The following SLC28A3 variants were observed in gnomAD, a reference collection of about 807,000 sequenced individuals.
SLC28A3 encodes solute carrier family 28 member 3, also known as concentrative Na(+)-nucleoside cotransporter 3.
A neutral mutation model predicts 84.2 loss-of-function variants in SLC28A3; 68 were observed. That is an observed-to-expected ratio of 0.81 (90% CI 0.66 to 0.99). SLC28A3 has a LOEUF of 0.99. Ranked by LOEUF, SLC28A3 falls within the 50% of genes least tolerant of loss-of-function variation. The probability of loss-of-function intolerance (pLI) is 0.00; values close to 1 mark genes in which losing one functional copy is unlikely to be tolerated. For missense variants in SLC28A3, 712 were observed against 841.5 expected (o/e 0.85, Z 1.90); for synonymous variants, 267 against 303.6 (o/e 0.88, Z 1.25).
At chr9:84,325,003 T>C (rs2118535038) in intron 1 of SLC28A3, among the ~76,000 whole-genome samples, 1 of 152,362 alleles carries the variant, frequency 6.6e-6, no homozygotes, top group African/African-American at 2.4e-5. Context: ...GGCTAGTTTA[T>C]TCTGGAATGT....
chr9:84,361,376 G>A, the SLC28A3 span, among the ~76,000 whole-genome samples: 1 of 152,188 alleles, frequency 6.6e-6, no homozygotes, highest in African/African-American at 2.4e-5. Context: ...TAGGGTTACA[G>A]GCTATTTCAG....
intron 1 of SLC28A3, among the ~76,000 whole-genome samples, chr9:84,329,342 T>C (rs1250382952): frequency 1.3e-5 from 2 of 152,130 alleles, no homozygotes; most frequent in Non-Finnish European, 2.9e-5. Flanking sequence ...AATACAAGAA[T>C]TGAACAGTGG....
chr9:84,280,748 C>T, intron 15 of SLC28A3, 53 bp downstream of exon 15: 2 of 1,577,736 alleles, frequency 1.3e-6, no homozygotes, highest in Non-Finnish European at 1.7e-6. Context: ...AAATGGGGAT[C>T]CAAGTATGTC....
intron 1 of SLC28A3, among the ~76,000 whole-genome samples, chr9:84,326,209 A>C (rs1826542641): frequency 6.6e-6 from 1 of 152,044 alleles, no homozygotes; most frequent in Non-Finnish European, 1.5e-5. Context: ...GACTAATAAG[A>C]GCTCAGGAAG....
chr9:84,305,677 A>T (rs974750168), intron 3 of SLC28A3, among the ~76,000 whole-genome samples: 1 of 152,202 alleles, frequency 6.6e-6, no homozygotes, highest in African/African-American at 2.4e-5. Context: ...TTTCTGGCAC[A>T]CTATGAGATC....
intron 3 of SLC28A3, among the ~76,000 whole-genome samples, chr9:84,308,635 A>G (rs1825882199): frequency 6.6e-6 from 1 of 152,212 alleles, no homozygotes; most frequent in Non-Finnish European, 1.5e-5. Context: ...GCCTCTAAAA[A>G]AGAAAAAAGA....
At chr9:84,299,280 A>C (rs1825533691) in intron 6 of SLC28A3, among the ~76,000 whole-genome samples, 1 of 152,206 alleles carries the variant, frequency 6.6e-6, no homozygotes, top group African/African-American at 2.4e-5. Context: ...AATCTGGATC[A>C]AAATGGATGA....
In SLC28A3 at chr9:84,315,177, G is replaced by A. The variant is rs538141470; in HGVS notation, c.61-1723C>T. Reference sequence around the variant, plus strand: ...TGCTGAAGTTGGCTGACAGGTACCCGGAGAATCATTTTATTATTCTCCTAC... The same window carrying A: ...TGCTGAAGTTGGCTGACAGGTACCCAGAGAATCATTTTATTATTCTCCTAC... On this transcript the variant is annotated intron_variant, in intron 1 of 17. Coordinates refer to ENST00000376238, the MANE Select transcript of SLC28A3 (RefSeq NM_001199633.2). 3.9e-5 allele frequency among the ~76,000 whole-genome samples: 6 copies of A among 152,272 alleles called. No homozygotes were observed. The East Asian group carries it at 9.7e-4, about 24-fold the overall frequency.
intron 1 of SLC28A3, among the ~76,000 whole-genome samples, chr9:84,333,826 C>T (rs1826873049): frequency 6.6e-6 from 1 of 152,196 alleles, no homozygotes; most frequent in Non-Finnish European, 1.5e-5. Flanking sequence ...ATTACAGATA[C>T]TCCCCCTGGC....
intron 13 of SLC28A3, 38 bp from the exon 14 acceptor site, chr9:84,285,580 G>T: frequency 6.2e-7 from 1 of 1,609,696 alleles, no homozygotes; most frequent in South Asian, 1.1e-5. Flanking sequence ...TTAGAATAGT[G>T]ATTTGCTTTC....
intron 3 of SLC28A3, among the ~76,000 whole-genome samples, chr9:84,309,377 G>GCCA (rs1825904620): frequency 2.0e-5 from 3 of 151,794 alleles, no homozygotes; most frequent in Non-Finnish European, 4.4e-5. Flanking sequence ...ACAAAAATTA[G>GCCA]CCAGGCGTGG....
At chr9:84,362,697 T>C in the SLC28A3 span, among the ~76,000 whole-genome samples, 23 of 151,892 alleles carry the variant, frequency 1.5e-4, no homozygotes, top group Non-Finnish European at 2.9e-4. Flanking sequence ...TTAGGACTGA[T>C]TGTCATTTAA....
Position 84,297,262 on chromosome 9 carries a change from C to A in SLC28A3, c.820G>T (p.Val274Phe). The change falls in exon 8 of 18, where the codon GTC becomes TTC. Residue 274 changes from valine (V) to phenylalanine (F), a missense_variant. By Grantham distance (50) the Val-to-Phe change is conservative. Transcript: ENST00000376238. ...LEYTDAGASF[V>F]FGEKYKDHFF... ...TGGTCTTTGTATTTCTCACCAAAGACAAATGAAGCACCAGCATCTGTGTAC... is the reference window on the plus strand; with the variant it reads ...TGGTCTTTGTATTTCTCACCAAAGAAAAATGAAGCACCAGCATCTGTGTAC... The A allele has an allele frequency of 2.5e-6, 4 of 1,613,474 alleles. No individual in the cohort carries two copies. Among genetic ancestry groups the A allele is most frequent in the Non-Finnish European group, 3.4e-6 (4 of 1,179,828 alleles).
At chr9:84,313,761 C>T (rs1331615164) in intron 1 of SLC28A3, among the ~76,000 whole-genome samples, 1 of 151,452 alleles carries the variant, frequency 6.6e-6, no homozygotes, top group Admixed American at 6.6e-5. Flanking sequence ...GTGTTGTGCA[C>T]CTATAATCCC....
chr9:84,310,676 C>T (rs985078452), intron 2 of SLC28A3: 3 of 810,950 alleles, frequency 3.7e-6, no homozygotes. Context: ...AGGCCAAACT[C>T]CATTGTTCTT....
the SLC28A3 span, among the ~76,000 whole-genome samples, chr9:84,353,000 T>C: frequency 7.9e-5 from 12 of 152,056 alleles, no homozygotes; most frequent in African/African-American, 2.9e-4. Flanking sequence ...GATTAAGATT[T>C]TTTAGTATTT....
the SLC28A3 span, among the ~76,000 whole-genome samples, chr9:84,350,033 T>A: frequency 1.1e-4 from 16 of 152,380 alleles, no homozygotes; most frequent in African/African-American, 3.8e-4. Flanking sequence ...AGCCTGTGGC[T>A]CCTAGACTAC....
intron 1 of SLC28A3, among the ~76,000 whole-genome samples, chr9:84,317,884 A>G (rs183382245): frequency 6.6e-6 from 1 of 152,222 alleles, no homozygotes; most frequent in Non-Finnish European, 1.5e-5. Context: ...AATTAGACTT[A>G]TCAAAATCAA....
chr9:84,326,985 G>A (rs750354615), intron 1 of SLC28A3, among the ~76,000 whole-genome samples: 19 of 152,050 alleles, frequency 1.2e-4, no homozygotes, highest in Non-Finnish European at 2.4e-4. Flanking sequence ...TCCAGCTTGG[G>A]TGACAGAGCA....
Sources: allele counts gnomAD v4.1 joint callset (sites outside exome capture counted in the v4.1 genomes callset), GRCh38; gene constraint gnomAD v4.1.1; transcripts MANE v1.5; gene names NCBI Gene and HGNC (gene_info 2026-07-23, HGNC 2026-07-21).